FOXP2: variants seen among roughly 807,000 people sequenced by gnomAD.
The protein encoded by FOXP2 is forkhead box protein P2.
Under a neutral mutation model 115.8 loss-of-function variants are expected in FOXP2, and 12 were observed. The ratio of observed to expected loss-of-function variants is 0.10; its 90% CI spans 0.07 to 0.17. The LOEUF (loss-of-function observed/expected upper bound fraction) is 0.17. FOXP2 is among the 10% of genes least tolerant of loss of function. The pLI, the probability that FOXP2 is intolerant of heterozygous loss-of-function variation, is 1.00. For missense variants in FOXP2, 629 were observed against 843.5 expected (o/e 0.75, Z 3.15); for synonymous variants, 328 against 297.7 (o/e 1.10, Z -1.05).
At chr7:114,659,703 C>G (rs144807019) in intron 13 of FOXP2, 30 bp downstream of exon 13, 27,752 of 1,523,980 alleles carry the variant, frequency 0.018, 322 homozygotes, top group Non-Finnish European at 0.021. Context: ...TTTTAAGATG[C>G]CTACCACAGT....
chr7:114,195,217 G>A (rs546931976), intron 1 of FOXP2, among the ~76,000 whole-genome samples: 1 of 152,262 alleles, frequency 6.6e-6, no homozygotes, highest in South Asian at 2.1e-4. Context: ...TCTGTTTCAA[G>A]CAAGATAATT....
chr7:114,191,102 G>A (rs1412564458), intron 1 of FOXP2, among the ~76,000 whole-genome samples: 2 of 152,150 alleles, frequency 1.3e-5, no homozygotes, highest in African/African-American at 4.8e-5. Flanking sequence ...TCACGTATTA[G>A]CATTCTAACT....
intron 2 of FOXP2, among the ~76,000 whole-genome samples, chr7:114,403,824 A>G (rs1373444344): frequency 6.6e-6 from 1 of 152,190 alleles, no homozygotes; most frequent in African/African-American, 2.4e-5. Flanking sequence ...TAATAGATAT[A>G]CAAGAAAAGA....
intron 2 of FOXP2, among the ~76,000 whole-genome samples, chr7:114,431,808 A>G (rs767302188): frequency 4.6e-5 from 7 of 151,964 alleles, no homozygotes; most frequent in Non-Finnish European, 8.8e-5. Context: ...TAATTCTCAG[A>G]GATATAATGT....
chr7:114,516,015 C>T (rs1202387908), intron 2 of FOXP2, among the ~76,000 whole-genome samples: 6 of 152,170 alleles, frequency 3.9e-5, no homozygotes, highest in African/African-American at 2.4e-5. Flanking sequence ...ATGCCATCCC[C>T]ATCAAGCTAC....
intron 2 of FOXP2, among the ~76,000 whole-genome samples, chr7:114,449,098 C>G (rs142159679): frequency 2.0e-5 from 3 of 152,010 alleles, no homozygotes; most frequent in Non-Finnish European, 2.9e-5. Context: ...GTTGTGAGAA[C>G]TAAATGAGTT....
chr7:114,684,714 A>C (rs1256216261), intron 16 of FOXP2, among the ~76,000 whole-genome samples: 1 of 152,210 alleles, frequency 6.6e-6, no homozygotes, highest in Non-Finnish European at 1.5e-5. Flanking sequence ...TAAAATTATA[A>C]ATTCAACTTA....
intron 1 of FOXP2, among the ~76,000 whole-genome samples, chr7:114,169,194 C>T (rs1201979982): frequency 2.0e-5 from 3 of 152,168 alleles, no homozygotes; most frequent in African/African-American, 7.2e-5. Flanking sequence ...TCCTCCAGCC[C>T]CCAGAACAGT....
At chr7:114,671,976 G>A (rs765148248) in intron 16 of FOXP2, among the ~76,000 whole-genome samples, 48 of 152,088 alleles carry the variant, frequency 3.2e-4, no homozygotes, top group Non-Finnish European at 5.9e-4. Context: ...AAGAAACACA[G>A]GGTTACTACA....
intron 16 of FOXP2, among the ~76,000 whole-genome samples, chr7:114,685,026 C>T (rs1264000241): frequency 6.6e-5 from 10 of 150,914 alleles, no homozygotes; most frequent in Admixed American, 6.6e-4. Flanking sequence ...TTGGGTTAGT[C>T]TTTAAAATAA....
intron 1 of FOXP2, among the ~76,000 whole-genome samples, chr7:114,229,440 T>G (rs973467588): frequency 5.3e-5 from 8 of 151,610 alleles, no homozygotes; most frequent in African/African-American, 1.7e-4. Flanking sequence ...AAGAGCAGAA[T>G]AGTATACATT....
chr7:114,303,600 A>G (rs1054400462), intron 2 of FOXP2, among the ~76,000 whole-genome samples: 2 of 151,960 alleles, frequency 1.3e-5, no homozygotes, highest in Non-Finnish European at 2.9e-5. Context: ...TTTTAGAACC[A>G]GAGTTTTACT....
chr7:114,477,159 T>A (rs1008860397), intron 2 of FOXP2, among the ~76,000 whole-genome samples: 1 of 151,950 alleles, frequency 6.6e-6, no homozygotes, highest in Non-Finnish European at 1.5e-5. Flanking sequence ...TTACTGGATG[T>A]ATACCCAAAG....
chr7:114,535,349 A>G (rs1799330505), intron 3 of FOXP2, among the ~76,000 whole-genome samples: 1 of 151,488 alleles, frequency 6.6e-6, no homozygotes, highest in Non-Finnish European at 1.5e-5. Context: ...TGGGGGGGGA[A>G]ACATTTTTAA....
chr7:114,460,450 G>A (rs375113707), intron 2 of FOXP2, among the ~76,000 whole-genome samples: 3 of 152,204 alleles, frequency 2.0e-5, no homozygotes, highest in East Asian at 3.9e-4. Context: ...TTTTCTAGTT[G>A]TCTAGTGCAA....
chr7:114,199,604 G>C (rs555490259), intron 1 of FOXP2, among the ~76,000 whole-genome samples: 1 of 152,258 alleles, frequency 6.6e-6, no homozygotes, highest in East Asian at 1.9e-4. Flanking sequence ...TACTCATATG[G>C]TTATCACATC....
At chr7:114,345,026 GTTACT>G (rs3086463) in intron 2 of FOXP2, among the ~76,000 whole-genome samples, 62,745 of 151,052 alleles carry the variant, frequency 0.42, 14,176 homozygotes, top group South Asian at 0.51. Flanking sequence ...AATATTTGAA[GTTACT>G]TTACTTTAGA....
chr7:114,483,149 G>T (rs1796629846), intron 2 of FOXP2, among the ~76,000 whole-genome samples: 1 of 151,252 alleles, frequency 6.6e-6, no homozygotes, highest in South Asian at 2.1e-4. Flanking sequence ...GTTCGTTGAA[G>T]TCATCCTGTA....
chr7:114,181,004 C>T (rs1473946710), intron 1 of FOXP2, among the ~76,000 whole-genome samples: 6 of 151,850 alleles, frequency 4.0e-5, no homozygotes, highest in African/African-American at 7.2e-5. Context: ...AATAACTCTT[C>T]AGCTTGGCCC....
Sources: gnomAD v4.1 joint callset for allele counts (sites outside exome capture counted in the v4.1 genomes callset) on GRCh38, gnomAD v4.1.1 for gene constraint, MANE v1.5 for transcripts, NCBI Gene and HGNC (gene_info 2026-07-23, HGNC 2026-07-21) for gene names.